The following CA8 variants were observed in gnomAD, a reference collection of about 807,000 sequenced individuals.
The protein encoded by CA8 is carbonic anhydrase 8 (inactive).
Under a neutral mutation model 41.4 loss-of-function variants are expected in CA8, and 22 were observed. The observed-to-expected ratio is 0.53, with a 90% CI of 0.38 to 0.76. The LOEUF is 0.76. CA8 is among the 30% of genes least tolerant of loss of function. The pLI is 0.00. For missense variants in CA8, 270 were observed against 352.8 expected (o/e 0.77, Z 1.88); for synonymous variants, 121 against 130.6 (o/e 0.93, Z 0.50).
chr8:60,264,114 G>A (rs1190849510), intron 3 of CA8, among the ~76,000 whole-genome samples: 2 of 152,214 alleles, frequency 1.3e-5, no homozygotes, highest in African/African-American at 2.4e-5. Flanking sequence ...GACCGGAGCT[G>A]CTGAAACGTC....
chr8:60,218,306 GTT>G (rs5891754), intron 7 of CA8, among the ~76,000 whole-genome samples: 1 of 146,538 alleles, frequency 6.8e-6, no homozygotes, highest in South Asian at 2.2e-4. Context: ...AAATGACTGG[GTT>G]TTTTTTTTTT....
intron 2 of CA8, among the ~76,000 whole-genome samples, chr8:60,278,763 T>C (rs961135392): frequency 6.6e-6 from 1 of 152,106 alleles, no homozygotes; most frequent in Non-Finnish European, 1.5e-5. Context: ...ATAAAATAAA[T>C]CCATAGCTGG....
At chr8:60,219,042 A>G (rs560400067) in intron 7 of CA8, among the ~76,000 whole-genome samples, 28 of 152,024 alleles carry the variant, frequency 1.8e-4, no homozygotes, top group African/African-American at 6.5e-4. Context: ...TAGAAAGGAT[A>G]CCTCAGGAAG....
intron 8 of CA8, among the ~76,000 whole-genome samples, chr8:60,190,266 CA>C (rs1431062739): frequency 4.0e-5 from 6 of 151,016 alleles, no homozygotes; most frequent in Non-Finnish European, 7.4e-5. Flanking sequence ...ATTTTACAAA[CA>C]AAAAATATGT....
At chr8:60,274,217 A>T (rs1468043706) in intron 2 of CA8, among the ~76,000 whole-genome samples, 1 of 152,004 alleles carries the variant, frequency 6.6e-6, no homozygotes, top group Non-Finnish European at 1.5e-5. Context: ...CCAGTTAGAC[A>T]AGGAAGATTG....
chr8:60,211,474 A>C (rs1304985412), intron 7 of CA8, among the ~76,000 whole-genome samples: 2 of 152,180 alleles, frequency 1.3e-5, no homozygotes, highest in Non-Finnish European at 2.9e-5. Flanking sequence ...TGGGCTGGGA[A>C]CTTTACTGCC....
At chr8:60,200,551 C>T (rs548245284) in intron 8 of CA8, among the ~76,000 whole-genome samples, 1 of 152,204 alleles carries the variant, frequency 6.6e-6, no homozygotes, top group East Asian at 1.9e-4. Context: ...AATCAGGAGA[C>T]GTCAGTAATT....
At chr8:60,235,412 A>G (rs377701024) in intron 3 of CA8, among the ~76,000 whole-genome samples, 119 of 152,326 alleles carry the variant, frequency 7.8e-4, no homozygotes, top group African/African-American at 2.6e-3. Flanking sequence ...AAATACAGCC[A>G]CAGTCTGATG....
At chr8:60,266,547 A>T (rs1563380233) in intron 2 of CA8, among the ~76,000 whole-genome samples, 1 of 152,360 alleles carries the variant, frequency 6.6e-6, no homozygotes, top group East Asian at 1.9e-4. Context: ...ATTGATTAGC[A>T]TTAAGTCAAT....
chr8:60,197,431 C>CA (rs771990026), intron 8 of CA8, among the ~76,000 whole-genome samples: 2,839 of 141,488 alleles, frequency 0.02, 40 homozygotes, highest in Middle Eastern at 0.05. Context: ...ACACTGTGGA[C>CA]AAAAAAAAAA....
rs531644618 is a variant in CA8 at position 60,192,117 on chromosome 8, G to C, written c.*36-2132C>G. Among the ~76,000 whole-genome samples the C allele has an allele frequency of 5.3e-5, 8 of 152,140 alleles. No individual in the cohort carries two copies. In the South Asian group the frequency reaches 1.7e-3, roughly 32 times the overall value. On this transcript the variant is annotated intron_variant, in intron 8 of 8. Transcript: ENST00000317995. ...AAGAAATGACACCCACCTATGCCAA[G>C]ATCATATGATGATGATCTTATTAGC...
chr8:60,270,178 T>C (rs991756903), intron 2 of CA8, among the ~76,000 whole-genome samples: 1 of 152,318 alleles, frequency 6.6e-6, no homozygotes, highest in African/African-American at 2.4e-5. Context: ...TGATCATATC[T>C]GCAATTTAAA....
chr8:60,220,387 G>A (rs1157964935), intron 7 of CA8, among the ~76,000 whole-genome samples: 1 of 152,160 alleles, frequency 6.6e-6, no homozygotes, highest in African/African-American at 2.4e-5. Flanking sequence ...TTAGGTACCA[G>A]AGGACATGAA....
At chr8:60,190,957 TACACACACAC>T (rs112367263) in intron 8 of CA8, among the ~76,000 whole-genome samples, 131 of 103,950 alleles carry the variant, frequency 1.3e-3, no homozygotes, top group East Asian at 2.3e-3. Flanking sequence ...TATATATATA[TACACACACAC>T]ATTTCTACAT....
chr8:60,262,016 T>C (rs867885326), intron 3 of CA8, among the ~76,000 whole-genome samples: 6 of 152,276 alleles, frequency 3.9e-5, no homozygotes, highest in Middle Eastern at 6.8e-3. Flanking sequence ...AGCCCCACTT[T>C]TTTGTAAATT....
At chr8:60,196,423 T>G (rs956094967) in intron 8 of CA8, among the ~76,000 whole-genome samples, 2 of 152,100 alleles carry the variant, frequency 1.3e-5, no homozygotes, top group African/African-American at 4.8e-5. Flanking sequence ...TTGCCCAAGT[T>G]GTGGAACAGC....
At chr8:60,264,195 T>G (rs910541686) in intron 3 of CA8, among the ~76,000 whole-genome samples, 8 of 152,302 alleles carry the variant, frequency 5.3e-5, no homozygotes, top group African/African-American at 1.9e-4. Context: ...AGAGCACAGC[T>G]CGCTAATTAC....
At chr8:60,212,721 T>A (rs779549274) in intron 7 of CA8, among the ~76,000 whole-genome samples, 9 of 152,198 alleles carry the variant, frequency 5.9e-5, no homozygotes, top group Non-Finnish European at 1.3e-4. Flanking sequence ...AGGTCTCCTA[T>A]ACAGCACAGT....
rs140995786 is a variant in CA8, at chr8:60,264,382, G to A, written c.417+1543C>T. On this transcript the variant is annotated intron_variant, in intron 3 of 8. Coordinates refer to ENST00000317995, the MANE Select transcript of CA8 (RefSeq NM_004056.6). The stretch of plus-strand genomic sequence containing the variant: ...CTTTCAAACCCAAAGAGGGAGGCAG[G>A]GCAAAGGCGCTGACAGTCCAGGGTG... 6.3e-3 allele frequency among the ~76,000 whole-genome samples: 959 copies of A among 152,326 alleles called. 9 individuals carry two copies. Among genetic ancestry groups the A allele is most frequent in the Non-Finnish European group, 9.5e-3 (649 of 68,018 alleles).
Sources: gnomAD v4.1 joint callset for allele counts (sites outside exome capture counted in the v4.1 genomes callset) on GRCh38, gnomAD v4.1.1 for gene constraint, MANE v1.5 for transcripts, NCBI Gene and HGNC (gene_info 2026-07-23, HGNC 2026-07-21) for gene names.